DGKI: variants seen among roughly 807,000 people sequenced by gnomAD.
The protein encoded by DGKI is DAG kinase iota.
Under a neutral mutation model 147.5 loss-of-function variants are expected in DGKI, and 55 were observed. The ratio of observed to expected loss-of-function variants is 0.37; its 90% CI spans 0.30 to 0.47. The LOEUF (loss-of-function observed/expected upper bound fraction) is 0.47, where lower values mean the gene tolerates loss of function less well. Among genes scored for constraint, DGKI ranks in the 20% least tolerant of loss-of-function variants. The pLI is 1.00. For synonymous variants in DGKI, 469 were observed against 477.1 expected, an observed-to-expected ratio of 0.98 and a Z score of 0.22; for missense variants, 1,007 against 1,323.8, an observed-to-expected ratio of 0.76 and a Z score of 3.71.
intron 6 of DGKI, among the ~76,000 whole-genome samples, chr7:137,632,991 T>C (rs922201027): frequency 2.6e-5 from 4 of 151,842 alleles, no homozygotes; most frequent in African/African-American, 9.7e-5. Flanking sequence ...GGTGGGCAGA[T>C]CACCTGAGGC....
intron 8 of DGKI, among the ~76,000 whole-genome samples, chr7:137,618,151 A>ATATATATATTTTTTTTTT: frequency 5.7e-4 from 6 of 10,462 alleles, no homozygotes; most frequent in African/African-American, 7.5e-4. Flanking sequence ...ATATATATAT[A>ATATATATATTTTTTTTTT]TTTTTTTTTT....
At chr7:137,566,897 TTC>T (rs1182722149) in intron 19 of DGKI, among the ~76,000 whole-genome samples, 1 of 106,068 alleles carries the variant, frequency 9.4e-6, no homozygotes, top group Non-Finnish European at 1.7e-5. Flanking sequence ...TTTTGAGATA[TTC>T]TCTCTTTTAT....
At chr7:137,550,481 C>T (rs549234600) in intron 20 of DGKI, among the ~76,000 whole-genome samples, 5 of 152,216 alleles carry the variant, frequency 3.3e-5, no homozygotes, top group African/African-American at 1.2e-4. Flanking sequence ...CAGCCAGTAA[C>T]AGTATTTTTA....
At position 137,645,575 on chromosome 7, in the gene DGKI, T is replaced by C. The variant is rs1821796446; in HGVS notation, c.739-38A>G. The C allele has an allele frequency of 1.9e-6, 3 of 1,557,668 alleles. No individual in the cohort carries two copies. In the East Asian group the frequency reaches 7.3e-5, roughly 38 times the overall value. ...AAAATTAAATGAATATTTTTAAAAA[T>C]TTATTTCTATAGACAGGGTCTTGCT... On this transcript the variant is annotated intron_variant, in intron 5 of 32. Transcript: ENST00000614521.
intron 30 of DGKI, among the ~76,000 whole-genome samples, chr7:137,400,005 T>C (rs1811694668): frequency 6.6e-6 from 1 of 152,146 alleles, no homozygotes; most frequent in African/African-American, 2.4e-5. Flanking sequence ...CAACTTTAGA[T>C]AGCATGAAGT....
intron 1 of DGKI, among the ~76,000 whole-genome samples, chr7:137,695,007 G>A (rs1823737033): frequency 6.6e-6 from 1 of 152,194 alleles, no homozygotes; most frequent in African/African-American, 2.4e-5. Flanking sequence ...ACCAAAGGTT[G>A]TGTTTTGTTT....
intron 17 of DGKI, among the ~76,000 whole-genome samples, chr7:137,573,349 T>C (rs1427862224): frequency 6.6e-6 from 1 of 152,208 alleles, no homozygotes; most frequent in Non-Finnish European, 1.5e-5. Flanking sequence ...TTTTAAAAAG[T>C]CTATGTACCG....
intron 23 of DGKI, among the ~76,000 whole-genome samples, chr7:137,484,247 C>T (rs1381966370): frequency 1.3e-5 from 2 of 151,930 alleles, no homozygotes; most frequent in Non-Finnish European, 2.9e-5. Context: ...AGGGGGAATA[C>T]CTAGAAGGCT....
At chr7:137,570,957 A>C (rs1463694157) in intron 19 of DGKI, among the ~76,000 whole-genome samples, 1 of 152,210 alleles carries the variant, frequency 6.6e-6, no homozygotes, top group Admixed American at 6.5e-5. Flanking sequence ...AAAAGTAAGA[A>C]GTGATACTCA....
intron 23 of DGKI, among the ~76,000 whole-genome samples, chr7:137,477,576 T>C (rs528968287): frequency 6.6e-6 from 1 of 152,356 alleles, no homozygotes; most frequent in East Asian, 1.9e-4. Context: ...ATTTCCATGG[T>C]ACATTACTGT....
chr7:137,782,029 C>T (rs558005458), intron 1 of DGKI, among the ~76,000 whole-genome samples: 1 of 152,310 alleles, frequency 6.6e-6, no homozygotes, highest in South Asian at 2.1e-4. Flanking sequence ...TGGAGACTCA[C>T]ACCATGAACT....
At chr7:137,541,860 G>A (rs372026919) in intron 20 of DGKI, among the ~76,000 whole-genome samples, 9 of 151,544 alleles carry the variant, frequency 5.9e-5, no homozygotes, top group South Asian at 2.1e-4. Flanking sequence ...GTACTTTAAC[G>A]TAATACCAAA....
intron 20 of DGKI, among the ~76,000 whole-genome samples, chr7:137,552,101 T>C (rs771437771): frequency 1.4e-4 from 21 of 152,206 alleles, no homozygotes; most frequent in Non-Finnish European, 2.6e-4. Context: ...TTTCTGCTAG[T>C]CCCAGTAAAT....
chr7:137,620,091 T>A (rs1820693574), intron 7 of DGKI, 151 bp from the exon 8 acceptor site: 1 of 616,692 alleles, frequency 1.6e-6, no homozygotes, highest in Admixed American at 2.5e-5. Flanking sequence ...CATGCACACA[T>A]GCACACATGG....
At chr7:137,636,746 G>A (rs1214309429) in intron 6 of DGKI, among the ~76,000 whole-genome samples, 1 of 152,194 alleles carries the variant, frequency 6.6e-6, no homozygotes, top group African/African-American at 2.4e-5. Context: ...GGTGATGGAG[G>A]CAGATCCCCT....
chr7:137,730,889 A>T (rs1434935252), intron 1 of DGKI, among the ~76,000 whole-genome samples: 2 of 152,106 alleles, frequency 1.3e-5, no homozygotes, highest in African/African-American at 4.8e-5. Flanking sequence ...AATTTTACCT[A>T]TCTCACACAA....
intron 1 of DGKI, among the ~76,000 whole-genome samples, chr7:137,799,375 G>T (rs1371295891): frequency 6.6e-6 from 1 of 152,106 alleles, no homozygotes; most frequent in African/African-American, 2.4e-5. Flanking sequence ...GACTATTAAT[G>T]GGTACACAAT....
At chr7:137,541,750 G>T (rs904510589) in intron 20 of DGKI, among the ~76,000 whole-genome samples, 3 of 151,880 alleles carry the variant, frequency 2.0e-5, no homozygotes, top group African/African-American at 7.3e-5. Flanking sequence ...TCATAGAAAA[G>T]AACTCAAAAT....
intron 23 of DGKI, among the ~76,000 whole-genome samples, chr7:137,473,503 TA>T (rs1208828248): frequency 1.3e-5 from 2 of 152,108 alleles, no homozygotes; most frequent in East Asian, 1.9e-4. Context: ...TCCAAGATGC[TA>T]AAAAAGCTAT....
Sources: allele counts gnomAD v4.1 joint callset (sites outside exome capture counted in the v4.1 genomes callset), GRCh38; gene constraint gnomAD v4.1.1; transcripts MANE v1.5; gene names NCBI Gene and HGNC (gene_info 2026-07-23, HGNC 2026-07-21).